AGBL1: variants seen among roughly 807,000 people sequenced by gnomAD.
AGBL1 encodes cytosolic carboxypeptidase 4.
AGBL1 carries 130 observed loss-of-function variants against 118.9 expected under a neutral mutation model. The ratio of observed to expected loss-of-function variants is 1.09; its 90% CI spans 0.95 to 1.26. The LOEUF is 1.26. Among genes scored for constraint, AGBL1 ranks in the 50% most tolerant of loss-of-function variants. The pLI is 0.00. For missense variants in AGBL1, 1,584 were observed against 1,298.1 expected (o/e 1.22, Z -3.38); for synonymous variants, 555 against 478.9 (o/e 1.16, Z -2.08).
At chr15:86,470,613 G>A (rs2082467136) in intron 18 of AGBL1, among the ~76,000 whole-genome samples, 1 of 152,150 alleles carries the variant, frequency 6.6e-6, no homozygotes, top group South Asian at 2.1e-4. Flanking sequence ...CATTGAAGTT[G>A]TAGATCACTT....
intron 22 of AGBL1, among the ~76,000 whole-genome samples, chr15:86,697,680 G>A (rs61605198): frequency 0.45 from 68,236 of 151,354 alleles, 15,979 homozygotes; most frequent in East Asian, 0.73. Flanking sequence ...CATATTACCA[G>A]AATTGTTTTT....
intron 22 of AGBL1, among the ~76,000 whole-genome samples, chr15:86,825,734 A>G (rs1391055799): frequency 6.6e-6 from 1 of 151,210 alleles, no homozygotes; most frequent in African/African-American, 2.4e-5. Context: ...GGAGGGAGGT[A>G]GGGAAAGAAA....
intron 23 of AGBL1, among the ~76,000 whole-genome samples, chr15:86,961,508 T>C (rs780896839): frequency 1.7e-4 from 26 of 152,138 alleles, no homozygotes; most frequent in South Asian, 8.3e-4. Flanking sequence ...TGGGGCTTCA[T>C]TGAGGTTACA....
intron 22 of AGBL1, among the ~76,000 whole-genome samples, chr15:86,826,325 TAA>T (rs909226635): frequency 1.3e-5 from 2 of 152,102 alleles, no homozygotes; most frequent in Non-Finnish European, 2.9e-5. Flanking sequence ...TGATGCTTGG[TAA>T]AGTCCGAGGG....
intron 21 of AGBL1, among the ~76,000 whole-genome samples, chr15:86,600,670 G>A (rs182540027): frequency 4.6e-5 from 7 of 152,234 alleles, no homozygotes; most frequent in Admixed American, 3.9e-4. Flanking sequence ...CTGGTTCCTA[G>A]GAAAGGAAGC....
intron 22 of AGBL1, among the ~76,000 whole-genome samples, chr15:86,764,990 AG>A (rs1365681918): frequency 6.6e-6 from 1 of 152,006 alleles, no homozygotes; most frequent in Non-Finnish European, 1.5e-5. Context: ...GCAGGTGGAT[AG>A]ATAGGCAGAG....
chr15:87,012,504 A>G (rs529200651), intron 24 of AGBL1, among the ~76,000 whole-genome samples: 1 of 152,204 alleles, frequency 6.6e-6, no homozygotes, highest in Non-Finnish European at 1.5e-5. Context: ...ACTAGAAGGA[A>G]ATTGTTCACA....
chr15:86,512,122 G>A (rs917938349), intron 18 of AGBL1, among the ~76,000 whole-genome samples: 2 of 151,904 alleles, frequency 1.3e-5, no homozygotes, highest in Non-Finnish European at 2.9e-5. Context: ...GGACACAGAG[G>A]TACACAAAAC....
At chr15:86,329,487 C>T (rs2080237900) in intron 17 of AGBL1, among the ~76,000 whole-genome samples, 1 of 152,072 alleles carries the variant, frequency 6.6e-6, no homozygotes, top group Non-Finnish European at 1.5e-5. Flanking sequence ...AGCACCCGCT[C>T]ACCTGAGTCA....
At chr15:86,783,114 A>G (rs2078357520) in intron 22 of AGBL1, among the ~76,000 whole-genome samples, 1 of 152,228 alleles carries the variant, frequency 6.6e-6, no homozygotes, top group Non-Finnish European at 1.5e-5. Context: ...TATGCTTTCC[A>G]GTTGTTATAA....
chr15:86,678,794 A>ATAG (rs2085896244), intron 22 of AGBL1, among the ~76,000 whole-genome samples: 1 of 152,112 alleles, frequency 6.6e-6, no homozygotes, highest in South Asian at 2.1e-4. Flanking sequence ...GAGTATATTT[A>ATAG]CATATTATAA....
intron 22 of AGBL1, among the ~76,000 whole-genome samples, chr15:86,851,795 A>G (rs2079410205): frequency 1.3e-5 from 2 of 152,170 alleles, no homozygotes; most frequent in African/African-American, 4.8e-5. Context: ...GCACACATGA[A>G]GGATGCAGGA....
At chr15:86,598,534 A>G (rs2084443509) in intron 21 of AGBL1, among the ~76,000 whole-genome samples, 1 of 152,114 alleles carries the variant, frequency 6.6e-6, no homozygotes, top group Non-Finnish European at 1.5e-5. Context: ...GAGCAATGCA[A>G]TTGTCCATCA....
chr15:86,590,417 T>G (rs953688945), intron 21 of AGBL1, among the ~76,000 whole-genome samples: 2 of 152,188 alleles, frequency 1.3e-5, no homozygotes, highest in Non-Finnish European at 2.9e-5. Flanking sequence ...ACTCTTGTTC[T>G]TCTCTGTCCT....
chr15:86,377,436 T>C (rs1311661083), intron 17 of AGBL1, among the ~76,000 whole-genome samples: 1 of 152,168 alleles, frequency 6.6e-6, no homozygotes, highest in Non-Finnish European at 1.5e-5. Flanking sequence ...GCCTGAAGAC[T>C]GGCCTTGCCT....
chr15:86,109,926 A>G (rs543884064), intron 1 of AGBL1: 2 of 152,348 alleles, frequency 1.3e-5, no homozygotes, highest in East Asian at 3.9e-4. Context: ...GTTTCTGCAA[A>G]TCATACAAAT....
intron 22 of AGBL1, among the ~76,000 whole-genome samples, chr15:86,700,113 A>C (rs2086330679): frequency 6.6e-6 from 1 of 151,714 alleles, no homozygotes; most frequent in Non-Finnish European, 1.5e-5. Context: ...TCTTTTCTTC[A>C]GTGACTTACA....
chr15:86,620,027 C>A (rs2084782350), intron 21 of AGBL1, among the ~76,000 whole-genome samples: 1 of 152,126 alleles, frequency 6.6e-6, no homozygotes, highest in African/African-American at 2.4e-5. Context: ...AACTGTTCTT[C>A]CAGAAATGCT....
Position 86,495,889 on chromosome 15 carries a change from A to C in AGBL1, c.2556-26921A>C, listed in dbSNP as rs192190981. Among the ~76,000 whole-genome samples, 4 of 152,002 alleles carry C rather than the reference A, an allele frequency of 2.6e-5. No homozygotes were observed. In the East Asian group the frequency reaches 5.8e-4, roughly 22 times the overall value. On this transcript the variant is annotated intron_variant, in intron 18 of 22. Transcript: ENST00000614907. ...TGTATCTCTGAAGGATGTTTATAAA[A>C]ATATCCCAATATTATATCTCCTTGG...
Sources: gnomAD v4.1 joint callset for allele counts (sites outside exome capture counted in the v4.1 genomes callset) on GRCh38, gnomAD v4.1.1 for gene constraint, MANE v1.5 for transcripts, NCBI Gene and HGNC (gene_info 2026-07-23, HGNC 2026-07-21) for gene names.